The following TSPAN9 variants were observed in gnomAD, a reference collection of about 807,000 sequenced individuals.
TSPAN9 encodes the protein tetraspanin 9.
A neutral mutation model predicts 31.0 loss-of-function variants in TSPAN9; 16 were observed. The ratio of observed to expected loss-of-function variants is 0.52; its 90% CI spans 0.35 to 0.78. The LOEUF (loss-of-function observed/expected upper bound fraction) is 0.78, where lower values mean the gene tolerates loss of function less well. Among genes scored for constraint, TSPAN9 ranks in the 30% least tolerant of loss-of-function variants. The pLI, the probability that TSPAN9 is intolerant of heterozygous loss-of-function variation, is 0.01. For missense variants in TSPAN9, 272 were observed against 312.5 expected, an observed-to-expected ratio of 0.87 and a Z score of 0.98; for synonymous variants, 145 against 121.6, an observed-to-expected ratio of 1.19 and a Z score of -1.27.
chr12:3,272,315 A>G (rs1167135293), intron 3 of TSPAN9, among the ~76,000 whole-genome samples: 2 of 152,112 alleles, frequency 1.3e-5, no homozygotes, highest in African/African-American at 2.4e-5. Context: ...GAGGATTTGC[A>G]TGTCTGGGTC....
chr12:3,130,024 G>A (rs1273778534), intron 2 of TSPAN9, among the ~76,000 whole-genome samples: 1 of 152,222 alleles, frequency 6.6e-6, no homozygotes, highest in Non-Finnish European at 1.5e-5. Context: ...GTGGATCACC[G>A]ATGTGTGGGA....
rs967183328 is a variant in TSPAN9 at position 3,180,619 on chromosome 12, T to C, written c.-17-20558T>C. ...GGAAACAATTAACAGGTTAACTTATTTGGCTCACAGTTAAATATCTGTTAT... is the reference window on the plus strand; with the variant it reads ...GGAAACAATTAACAGGTTAACTTATCTGGCTCACAGTTAAATATCTGTTAT... On this transcript the variant is annotated intron_variant, in intron 2 of 8. Transcript: ENST00000011898. 2.0e-5 allele frequency among the ~76,000 whole-genome samples: 3 copies of C among 152,258 alleles called. No homozygotes were observed. In the South Asian group the frequency reaches 6.2e-4, roughly 31 times the overall value.
At chr12:3,266,062 C>T (rs473014) in intron 3 of TSPAN9, among the ~76,000 whole-genome samples, 126,935 of 150,966 alleles carry the variant, frequency 0.84, 53,425 homozygotes, top group Middle Eastern at 0.92. Context: ...AACACTACTT[C>T]TTCATCCCGT....
At chr12:3,151,657 C>G (rs1340344452) in intron 2 of TSPAN9, among the ~76,000 whole-genome samples, 1 of 152,214 alleles carries the variant, frequency 6.6e-6, no homozygotes, top group Non-Finnish European at 1.5e-5. Context: ...CGCCCATTTC[C>G]AGGGTCTTCT....
intron 3 of TSPAN9, among the ~76,000 whole-genome samples, chr12:3,205,118 G>T (rs1411198947): frequency 2.0e-5 from 3 of 152,172 alleles, no homozygotes; most frequent in Non-Finnish European, 4.4e-5. Context: ...TGATGTGGAG[G>T]GGTGGGGGCG....
intron 2 of TSPAN9, among the ~76,000 whole-genome samples, chr12:3,190,474 G>C (rs1241196850): frequency 2.0e-5 from 3 of 152,230 alleles, no homozygotes; most frequent in African/African-American, 7.2e-5. Context: ...ATATGTGTAT[G>C]GGCAGGTACA....
In TSPAN9 at chr12:3,247,901, C is replaced by T. The variant is rs3825345; in HGVS notation, c.64-30520C>T. Among the ~76,000 whole-genome samples the T allele has an allele frequency of 6.6e-5, 10 of 152,318 alleles. No homozygotes were observed. The East Asian group carries it at 7.7e-4, about 12-fold the overall frequency. ...GCAGAAATGCTGACCCCTTGCCTGT[C>T]GCTTCTGTTGCTAGAACAGGGCAGC... On this transcript the variant is annotated intron_variant, in intron 3 of 8. Transcript: ENST00000011898.
intron 3 of TSPAN9, among the ~76,000 whole-genome samples, chr12:3,224,595 G>A (rs761850633): frequency 1.1e-4 from 17 of 152,198 alleles, no homozygotes; most frequent in Non-Finnish European, 1.9e-4. Flanking sequence ...CCCCTGGACC[G>A]TGTATCTGGG....
chr12:3,092,279 G>A (rs552143374), intron 2 of TSPAN9, among the ~76,000 whole-genome samples: 1 of 152,162 alleles, frequency 6.6e-6, no homozygotes, highest in Non-Finnish European at 1.5e-5. Context: ...CCATGGCTGT[G>A]AGGATGGATT....
intron 1 of TSPAN9, among the ~76,000 whole-genome samples, chr12:3,078,035 A>G (rs2098295974): frequency 6.6e-6 from 1 of 152,206 alleles, no homozygotes. Flanking sequence ...AAAGATCCAA[A>G]CAAGAAACCG....
intron 3 of TSPAN9, among the ~76,000 whole-genome samples, chr12:3,252,668 CG>C (rs2153978261): frequency 1.3e-5 from 2 of 152,378 alleles, no homozygotes; most frequent in East Asian, 3.9e-4. Flanking sequence ...CAATGTTTCA[CG>C]GTGCGCAGCC....
At chr12:3,079,724 A>C in intron 1 of TSPAN9, among the ~76,000 whole-genome samples, 1 of 151,072 alleles carries the variant, frequency 6.6e-6, no homozygotes, top group African/African-American at 2.4e-5. Context: ...GGCCTCCCAA[A>C]GTGCTGGGAT....
intron 2 of TSPAN9, among the ~76,000 whole-genome samples, chr12:3,190,621 A>T (rs779377847): frequency 4.0e-5 from 6 of 151,890 alleles, no homozygotes; most frequent in Non-Finnish European, 7.4e-5. Flanking sequence ...AGAGTGGGTG[A>T]CTCTTTGTCC....
chr12:3,170,129 C>A lies in TSPAN9; in HGVS notation c.-17-31048C>A, dbSNP rs1412792947. Among the ~76,000 whole-genome samples the A allele has an allele frequency of 2.0e-5, 3 of 152,182 alleles. No individual in the cohort carries two copies. The highest frequency in any genetic ancestry group is 2.0e-4 in the Admixed American group (3 of 15,280). On this transcript the variant is annotated intron_variant, in intron 2 of 8. Transcript: ENST00000011898. This position sits in a 1 kb window ranked among gnomAD's most constrained non-coding sequence, Gnocchi z 4.4. ...CATCTGGGAATAATAATACCTGTCT[C>A]ACTGGGTTGCTGTGAGGATTGAGTG...
chr12:3,104,299 C>T (rs1034728092), intron 2 of TSPAN9, among the ~76,000 whole-genome samples: 4 of 151,218 alleles, frequency 2.6e-5, no homozygotes, highest in South Asian at 2.1e-4. Context: ...TGTGGCTGCT[C>T]GGTAGAAAAT....
chr12:3,244,392 C>T (rs901472222), intron 3 of TSPAN9, among the ~76,000 whole-genome samples: 1 of 152,228 alleles, frequency 6.6e-6, no homozygotes, highest in Admixed American at 6.5e-5. Flanking sequence ...GCCCCACCTA[C>T]TCCCGCTCCA....
At position 3,264,031 on chromosome 12, in the gene TSPAN9, G is replaced by A. The variant is rs1226182526; in HGVS notation, c.64-14390G>A. 5.3e-5 allele frequency among the ~76,000 whole-genome samples: 8 copies of A among 152,202 alleles called. 1 individual carries two copies. Among genetic ancestry groups the A allele is most frequent in the Admixed American group, 2.6e-4 (4 of 15,286 alleles). On this transcript the variant is annotated intron_variant, in intron 3 of 8. Coordinates refer to ENST00000011898, the MANE Select transcript of TSPAN9 (RefSeq NM_006675.5). ...TTTTTATTTGCAGAGTTTTTATCAG[G>A]TAGTGATTGGGCAGGCAAGTGTCTC...
chr12:3,213,569 A>G (rs1156702695), intron 3 of TSPAN9, among the ~76,000 whole-genome samples: 1 of 152,162 alleles, frequency 6.6e-6, no homozygotes, highest in Non-Finnish European at 1.5e-5. Flanking sequence ...TACTGAGTGC[A>G]CGAGGTGCTC....
At chr12:3,144,945 A>G (rs1277219474) in intron 2 of TSPAN9, among the ~76,000 whole-genome samples, 2 of 152,254 alleles carry the variant, frequency 1.3e-5, no homozygotes, top group African/African-American at 4.8e-5. Context: ...TTACGAGGAT[A>G]ATCTGATCAT....
Sources: allele counts gnomAD v4.1 joint callset (sites outside exome capture counted in the v4.1 genomes callset), GRCh38; gene constraint gnomAD v4.1.1; non-coding constraint Gnocchi (gnomAD v3.1); transcripts MANE v1.5; gene names NCBI Gene and HGNC (gene_info 2026-07-23, HGNC 2026-07-21).